FGD6: variants seen among roughly 807,000 people sequenced by gnomAD.
FGD6 encodes FYVE, RhoGEF and PH domain-containing protein 6.
In FGD6, 90 loss-of-function variants were observed where a neutral mutation model predicts 149.4. The observed-to-expected ratio is 0.60, with a 90% CI of 0.51 to 0.72. The LOEUF (loss-of-function observed/expected upper bound fraction) is 0.72. Among genes scored for constraint, FGD6 ranks in the 30% least tolerant of loss-of-function variants. The pLI is 0.00. For missense variants in FGD6, 1,437 were observed against 1,684.8 expected, an observed-to-expected ratio of 0.85 and a Z score of 2.57; for synonymous variants, 527 against 584.0, an observed-to-expected ratio of 0.90 and a Z score of 1.41.
rs772580968 is a variant in FGD6 at position 95,152,811 on chromosome 12, A to C, written c.2685T>G (p.Ile895Met). The C allele has an allele frequency of 5.6e-6, 9 of 1,612,332 alleles. No homozygotes were observed. The highest frequency in any genetic ancestry group is 7.6e-6 in the Non-Finnish European group (9 of 1,178,976). ...CAAGAAAATATTAGCAGATACTTACAATATGCAAAAGTTTTAACACATCCA... is the reference window on the plus strand; with the variant it reads ...CAAGAAAATATTAGCAGATACTTACCATATGCAAAAGTTTTAACACATCCA... ...VFVDVLKLLH[I>M]DFRDAVAHAS... Residue 895 changes from isoleucine to methionine, a missense_variant and splice_region_variant, in exon 5 of 21, where the codon ATT (isoleucine) becomes ATG (methionine). Ile to Met is a conservative substitution (Grantham distance 10). Coordinates refer to ENST00000343958, the MANE Select transcript of FGD6 (RefSeq NM_018351.4).
At chr12:95,182,165 C>A (rs1881300265) in intron 2 of FGD6, among the ~76,000 whole-genome samples, 1 of 149,384 alleles carries the variant, frequency 6.7e-6, no homozygotes, top group Non-Finnish European at 1.5e-5. Context: ...GGGATGGCTA[C>A]AAGAGAATAC....
chr12:95,151,585 T>C (rs1385707171), intron 5 of FGD6, among the ~76,000 whole-genome samples: 2 of 152,134 alleles, frequency 1.3e-5, no homozygotes, highest in African/African-American at 2.4e-5. Flanking sequence ...TGGGTTTCTG[T>C]TGGACCAAGT....
intron 14 of FGD6, among the ~76,000 whole-genome samples, chr12:95,097,608 C>T (rs192081076): frequency 4.8e-4 from 64 of 133,016 alleles, no homozygotes; most frequent in African/African-American, 1.7e-3. Flanking sequence ...TGCACTCCAG[C>T]CTGGGCAACA....
intron 14 of FGD6, chr12:95,100,786 G>A: frequency 2.2e-6 from 1 of 449,806 alleles, no homozygotes; most frequent in Non-Finnish European, 4.3e-6. Flanking sequence ...TGAGCGAACA[G>A]AAAAATGCCC....
intron 2 of FGD6, among the ~76,000 whole-genome samples, chr12:95,179,634 T>A (rs1881222873): frequency 6.6e-6 from 1 of 151,960 alleles, no homozygotes; most frequent in Non-Finnish European, 1.5e-5. Context: ...AATAGAAGAG[T>A]ACCTACCCAT....
chr12:95,139,703 T>C (rs1879787439), intron 6 of FGD6, among the ~76,000 whole-genome samples: 1 of 150,854 alleles, frequency 6.6e-6, no homozygotes, highest in Non-Finnish European at 1.5e-5. Flanking sequence ...TCACCCAGAA[T>C]GGAGTGCAGT....
Position 95,186,228 on chromosome 12 carries a change from C to CTTTTTTTTTTTTTT in FGD6, c.2442-13498_2442-13485dup, listed in dbSNP as rs1174763781. The stretch of plus-strand genomic sequence containing the variant: ...TAAGAATGCTTCTTATATTCTTCTT[C>CTTTTTTTTTTTTTT]TTTTTTTTTTTTTTTTTTTTTTTTT... On this transcript the variant is annotated intron_variant, in intron 2 of 20. Coordinates refer to ENST00000343958, the MANE Select transcript of FGD6 (RefSeq NM_018351.4). Among the ~76,000 whole-genome samples, 33 of 38,932 alleles carry CTTTTTTTTTTTTTT rather than the reference C, an allele frequency of 8.5e-4. 1 individual carries two copies. Among genetic ancestry groups the CTTTTTTTTTTTTTT allele is most frequent in the Non-Finnish European group, 1.5e-3 (31 of 20,200 alleles). 25.5% of individuals were successfully genotyped at this position (38,932 alleles called of 152,430 possible).
chr12:95,180,207 G>A (rs1881242840), intron 2 of FGD6, among the ~76,000 whole-genome samples: 1 of 151,928 alleles, frequency 6.6e-6, no homozygotes, highest in Non-Finnish European at 1.5e-5. Flanking sequence ...AAAAAGAAGA[G>A]TACATATACA....
chr12:95,106,890 T>C, intron 13 of FGD6, 64 bp downstream of exon 13: 1 of 1,089,214 alleles, frequency 9.2e-7, no homozygotes, highest in Non-Finnish European at 1.3e-6. Flanking sequence ...TGAGACCCCG[T>C]CTCAAACAAA....
At chr12:95,178,162 T>C (rs1311909037) in intron 2 of FGD6, among the ~76,000 whole-genome samples, 1 of 152,178 alleles carries the variant, frequency 6.6e-6, no homozygotes, top group Non-Finnish European at 1.5e-5. Flanking sequence ...AGTAATGTTC[T>C]TGAGGTCTAC....
At chr12:95,097,894 A>G (rs1308126970) in intron 14 of FGD6, among the ~76,000 whole-genome samples, 1 of 152,190 alleles carries the variant, frequency 6.6e-6, no homozygotes, top group Non-Finnish European at 1.5e-5. Flanking sequence ...GATAAATAAC[A>G]TAGAAGTAGT....
chr12:95,122,934 T>C (rs1879234014), intron 8 of FGD6, among the ~76,000 whole-genome samples: 1 of 151,178 alleles, frequency 6.6e-6, no homozygotes, highest in Non-Finnish European at 1.5e-5. Context: ...ATACAAAAAT[T>C]AGCTGGGCAT....
chr12:95,092,579 T>C (rs2136233861), intron 16 of FGD6, 120 bp downstream of exon 16: 2 of 1,042,034 alleles, frequency 1.9e-6, no homozygotes, highest in East Asian at 2.7e-5. Context: ...AACATAATAA[T>C]AATAATAGTT....
chr12:95,194,407 G>T (rs1881682261), intron 2 of FGD6, among the ~76,000 whole-genome samples: 1 of 138,664 alleles, frequency 7.2e-6, no homozygotes, highest in Admixed American at 7.5e-5. Context: ...GGCTAATTTT[G>T]TATTTTCAGT....
At chr12:95,107,495 T>C in intron 12 of FGD6, 68 bp downstream of exon 12, 1 of 1,511,644 alleles carries the variant, frequency 6.6e-7, no homozygotes, top group African/African-American at 1.4e-5. Flanking sequence ...CTACCATGTA[T>C]AAACGTCTCC....
intron 18 of FGD6, among the ~76,000 whole-genome samples, chr12:95,088,106 G>A (rs1311471622): frequency 6.6e-6 from 1 of 152,124 alleles, no homozygotes; most frequent in East Asian, 1.9e-4. Flanking sequence ...CACACAAGAA[G>A]ATCAACCATA....
chr12:95,203,697 G>C (rs768993190), intron 2 of FGD6, among the ~76,000 whole-genome samples: 2 of 152,104 alleles, frequency 1.3e-5, no homozygotes, highest in Non-Finnish European at 2.9e-5. Context: ...TAAATAAATC[G>C]AGGGTTTGCT....
chr12:95,101,303 C>T (rs762361895), intron 14 of FGD6, among the ~76,000 whole-genome samples: 4 of 151,956 alleles, frequency 2.6e-5, no homozygotes, highest in Admixed American at 6.6e-5. Flanking sequence ...GCCAAGATCG[C>T]GTCACTGCAC....
At chr12:95,183,453 C>T (rs1052687043) in intron 2 of FGD6, among the ~76,000 whole-genome samples, 18 of 152,212 alleles carry the variant, frequency 1.2e-4, no homozygotes, top group African/African-American at 4.3e-4. Context: ...TGAGAAACTG[C>T]TGTTGATCTC....
Sources: allele counts gnomAD v4.1 joint callset (sites outside exome capture counted in the v4.1 genomes callset), GRCh38; gene constraint gnomAD v4.1.1; transcripts MANE v1.5; gene names NCBI Gene and HGNC (gene_info 2026-07-23, HGNC 2026-07-21).